Variants in NF1 observed in about 807,000 individuals in gnomAD.
The protein encoded by NF1 is neurofibromin 1, also known as neurofibromin.
NF1 carries 122 observed loss-of-function variants against 325.7 expected under a neutral mutation model. The ratio of observed to expected loss-of-function variants is 0.37; its 90% CI spans 0.32 to 0.44. The LOEUF is 0.44. NF1 is among the 20% of genes least tolerant of loss of function. The pLI, the probability that NF1 is intolerant of heterozygous loss-of-function variation, is 1.00. For missense variants in NF1, 2,140 were observed against 3,415.4 expected, an observed-to-expected ratio of 0.63 and a Z score of 9.31; for synonymous variants, 1,091 against 1,186.0, an observed-to-expected ratio of 0.92 and a Z score of 1.65.
At chr17:31,273,862 A>G (rs1231964035) in intron 36 of NF1, among the ~76,000 whole-genome samples, 2 of 152,170 alleles carry the variant, frequency 1.3e-5, no homozygotes, top group Non-Finnish European at 2.9e-5. Flanking sequence ...TCCTCTTACC[A>G]TGTATACATT....
intron 12 of NF1, among the ~76,000 whole-genome samples, chr17:31,210,409 C>G (rs1483203197): frequency 6.6e-6 from 1 of 152,046 alleles, no homozygotes; most frequent in Non-Finnish European, 1.5e-5. Flanking sequence ...ATGGTGAAAC[C>G]TTGTCTCTAC....
intron 1 of NF1, chr17:31,138,207 TTCTTTTTTTGTAGAAAATA>T: frequency 6.6e-6 from 1 of 152,272 alleles, no homozygotes; most frequent in African/African-American, 2.4e-5. Flanking sequence ...CTTTCTTTTG[TTCTTTTTTTGTAGAAAATA>T]TCTTGACTTT....
intron 31 of NF1, chr17:31,254,001 C>G (rs2067536451): frequency 6.6e-6 from 1 of 152,058 alleles, no homozygotes; most frequent in Admixed American, 6.6e-5. Context: ...CACAGTGGCT[C>G]ATACCTGTAA....
Position 31,220,894 on chromosome 17 carries a change from G to C in NF1, c.1642-956G>C, listed in dbSNP as rs144130355. Among the ~76,000 whole-genome samples the C allele has an allele frequency of 7.6e-3, 1,159 of 152,148 alleles. 18 individuals are homozygous for C. Among genetic ancestry groups the C allele is most frequent in the African/African-American group, 0.027 (1,116 of 41,542 alleles). ...GCAAAATTGAATTTTAATTTGTGTT[G>C]TTTTTCCTTGATATGAGAGCTATAA... On this transcript the variant is annotated intron_variant, in intron 14 of 57. Coordinates refer to ENST00000358273, the MANE Select transcript of NF1 (RefSeq NM_001042492.3).
intron 27 of NF1, 136 bp downstream of exon 27, chr17:31,233,349 T>C: frequency 1.1e-6 from 1 of 900,372 alleles, no homozygotes; most frequent in Middle Eastern, 3.2e-4. Context: ...AGTTAGGTGA[T>C]TTTTCAGCTG....
intron 30 of NF1, chr17:31,251,084 A>G (rs1274366754): frequency 5.1e-6 from 1 of 195,314 alleles, no homozygotes; most frequent in Non-Finnish European, 1.1e-5. Context: ...AAAGATAGGA[A>G]AAAAGCTTTG....
chr17:31,222,647 A>T, intron 15 of NF1: 1 of 487,542 alleles, frequency 2.1e-6, no homozygotes. Flanking sequence ...AGGTAAAATT[A>T]ATTGTAATTA....
Position 31,326,071 on chromosome 17 carries a change from T to C in NF1, c.5087T>C (p.Leu1696Pro), listed in dbSNP as rs745489489. 6 of 1,613,948 alleles carry C rather than the reference T, an allele frequency of 3.7e-6. No homozygotes were observed. Among genetic ancestry groups the C allele is most frequent in the Admixed American group, 1.7e-5 (1 of 59,996 alleles). ...GAGTACACCAAGTATCATGAGCGGC[T>C]GCTGACTGGCCTCAAAGGTAGCAAA... is the stretch of plus-strand genomic sequence containing the variant. ...VREYTKYHER[L>P]LTGLKGSKRL... Residue 1696 changes from leucine (L) to proline (P), a missense_variant, in exon 37 of 58, where the codon CTG becomes CCG. Around this residue, in one of 10 missense-constraint regions of NF1, gnomAD observed 147 missense variants for 186.7 expected, o/e 0.79. Coordinates refer to ENST00000358273, the MANE Select transcript of NF1 (RefSeq NM_001042492.3).
At chr17:31,333,514 A>C (rs1315941178) in intron 39 of NF1, among the ~76,000 whole-genome samples, 2 of 152,210 alleles carry the variant, frequency 1.3e-5, no homozygotes, top group East Asian at 3.8e-4. Context: ...AGTAAACACT[A>C]TTATGACCTC....
At chr17:31,225,401 C>A in intron 17 of NF1, 151 bp downstream of exon 17, 1 of 846,208 alleles carries the variant, frequency 1.2e-6, no homozygotes, top group Non-Finnish European at 1.9e-6. Context: ...GAACTTTGGG[C>A]AAGTTCTTAA....
intron 36 of NF1, chr17:31,320,400 T>C (rs1167857541): frequency 6.2e-7 from 1 of 1,610,282 alleles, no homozygotes; most frequent in Admixed American, 1.7e-5. Context: ...GGCCTGAAAG[T>C]CTTTGTTTCC....
intron 36 of NF1, chr17:31,305,317 G>C (rs569234254): frequency 6.2e-7 from 1 of 1,614,164 alleles, no homozygotes; most frequent in African/African-American, 1.3e-5. Context: ...TGGTTGTCCA[G>C]CAGAAGTATG....
In NF1 at chr17:31,249,120, G is replaced by T. The variant is rs1555617383; in HGVS notation, c.4110+1G>T. The stretch of plus-strand genomic sequence containing the variant: ...AAGTGTGTGCCACTGTTTATACCAG[G>T]TATGCTTACAGTTAGAGATTACCAT... On this transcript the variant is annotated splice_donor_variant, in intron 30 of 57. Coordinates refer to ENST00000358273, the MANE Select transcript of NF1 (RefSeq NM_001042492.3). LOFTEE classifies it high-confidence loss of function. The T allele has an allele frequency of 6.2e-7, 1 of 1,613,808 alleles. No homozygotes were observed. The highest frequency in any genetic ancestry group is 8.5e-7 in the Non-Finnish European group (1 of 1,179,840).
intron 24 of NF1, 112 bp from the exon 25 acceptor site, chr17:31,231,961 G>A (rs2067118781): frequency 7.6e-6 from 5 of 656,162 alleles, no homozygotes; most frequent in South Asian, 3.7e-5. Flanking sequence ...TAATGAAATA[G>A]GTAGTTCCTA....
chr17:31,254,760 A>AT (rs931030119), intron 31 of NF1, among the ~76,000 whole-genome samples: 4 of 151,626 alleles, frequency 2.6e-5, no homozygotes, highest in Admixed American at 1.3e-4. Context: ...TTTTCAAAAA[A>AT]TTTTTTTTTA....
At chr17:31,312,173 C>G (rs1340475946) in intron 36 of NF1, among the ~76,000 whole-genome samples, 2 of 151,988 alleles carry the variant, frequency 1.3e-5, no homozygotes, top group African/African-American at 4.8e-5. Context: ...CTGGAAAACA[C>G]AGGCACTACT....
intron 1 of NF1, among the ~76,000 whole-genome samples, chr17:31,135,540 G>A (rs556504193): frequency 2.6e-5 from 4 of 151,728 alleles, no homozygotes; most frequent in South Asian, 4.2e-4. Flanking sequence ...ATTCCTTTCT[G>A]CCATTTTCTT....
At chr17:31,251,583 G>GA (rs1161463236) in intron 30 of NF1, 4 of 197,008 alleles carry the variant, frequency 2.0e-5, no homozygotes, top group Non-Finnish European at 4.2e-5. Flanking sequence ...CTCGTATGGT[G>GA]AGAGAATTCT....
intron 13 of NF1, among the ~76,000 whole-genome samples, chr17:31,216,156 G>A (rs550415172): frequency 6.6e-6 from 1 of 152,044 alleles, no homozygotes; most frequent in African/African-American, 2.4e-5. Context: ...GCTATTTGTG[G>A]CATTATTTCA....
Sources: gnomAD v4.1 joint callset for allele counts (sites outside exome capture counted in the v4.1 genomes callset) on GRCh38, gnomAD v4.1.1 for gene constraint, gnomAD v4.1.1 regional missense constraint, MANE v1.5 for transcripts, NCBI Gene and HGNC (gene_info 2026-07-23, HGNC 2026-07-21) for gene names.